Variants in CPAMD8 observed in about 807,000 individuals in gnomAD.
The protein encoded by CPAMD8 is C3 and PZP like alpha-2-macroglobulin domain containing 8, also known as C3 and PZP-like alpha-2-macroglobulin domain-containing protein 8.
CPAMD8 carries 146 observed loss-of-function variants against 224.7 expected under a neutral mutation model. The ratio of observed to expected loss-of-function variants is 0.65; its 90% CI spans 0.57 to 0.75. The LOEUF (loss-of-function observed/expected upper bound fraction) is 0.75, where lower values mean the gene tolerates loss of function less well. Among genes scored for constraint, CPAMD8 ranks in the 30% least tolerant of loss-of-function variants. CPAMD8 has a pLI of 0.00. For synonymous variants in CPAMD8, 966 were observed against 1,044.6 expected, an observed-to-expected ratio of 0.92 and a Z score of 1.45; for missense variants, 2,301 against 2,537.5, an observed-to-expected ratio of 0.91 and a Z score of 2.00.
At chr19:16,986,938 C>A (rs1436220324) in intron 13 of CPAMD8, among the ~76,000 whole-genome samples, 1 of 151,646 alleles carries the variant, frequency 6.6e-6, no homozygotes, top group African/African-American at 2.4e-5. Context: ...GGTGGATCAC[C>A]TGAGGCCAGG....
intron 18 of CPAMD8, among the ~76,000 whole-genome samples, chr19:16,969,968 C>T (rs1042201749): frequency 2.6e-5 from 4 of 151,266 alleles, no homozygotes; most frequent in Non-Finnish European, 5.9e-5. Context: ...GGCGCAGTGG[C>T]TCATGCCTGT....
chr19:16,905,211 A>G (rs1157109369), intron 30 of CPAMD8, among the ~76,000 whole-genome samples: 3 of 152,102 alleles, frequency 2.0e-5, no homozygotes, highest in Admixed American at 6.6e-5. Context: ...ACTGCACTCC[A>G]CACTCCAGCC....
At chr19:16,958,202 T>C (rs1473928158) in intron 18 of CPAMD8, among the ~76,000 whole-genome samples, 1 of 152,196 alleles carries the variant, frequency 6.6e-6, no homozygotes, top group Non-Finnish European at 1.5e-5. Flanking sequence ...GGGGGTTTGT[T>C]GTACAGATTA....
chr19:16,946,345 A>C (rs537924844), intron 21 of CPAMD8, among the ~76,000 whole-genome samples: 13 of 139,564 alleles, frequency 9.3e-5, no homozygotes, highest in Middle Eastern at 4.9e-3. Flanking sequence ...ATATGTATGT[A>C]TGTCTACACG....
rs764726432 is a variant in CPAMD8 at position 17,011,530 on chromosome 19, G to A, written c.434-14C>T. The A allele has an allele frequency of 3.7e-6, 6 of 1,613,998 alleles. No individual in the cohort carries two copies. In the East Asian group the frequency reaches 1.1e-4, roughly 30 times the overall value. On this transcript the variant is annotated splice_polypyrimidine_tract_variant and intron_variant, in intron 4 of 41. Transcript: ENST00000443236. The stretch of plus-strand genomic sequence containing the variant: ...TGCTTATGAGCACTAGAAGAAAGAA[G>A]AGAGGCGTGTGACACCTCCAGACCA...
chr19:16,972,259 G>A (rs1361135053), intron 17 of CPAMD8, among the ~76,000 whole-genome samples: 1 of 152,160 alleles, frequency 6.6e-6, no homozygotes, highest in East Asian at 1.9e-4. Context: ...AAACTCCCAG[G>A]CTCAAGTGAT....
At chr19:16,947,316 C>T (rs2122281585) in intron 20 of CPAMD8, 89 bp from the exon 21 acceptor site, 1 of 1,461,298 alleles carries the variant, frequency 6.8e-7, no homozygotes. Flanking sequence ...CCACTCACTG[C>T]ACACACCAGA....
intron 30 of CPAMD8, among the ~76,000 whole-genome samples, chr19:16,906,499 G>A (rs939669214): frequency 3.3e-5 from 5 of 149,966 alleles, no homozygotes; most frequent in Admixed American, 6.7e-5. Flanking sequence ...TGCCTCCTGG[G>A]TTCAAGTGAT....
At chr19:16,954,522 A>G (rs572021068) in intron 19 of CPAMD8, among the ~76,000 whole-genome samples, 41 of 152,238 alleles carry the variant, frequency 2.7e-4, no homozygotes, top group African/African-American at 9.6e-4. Flanking sequence ...ACTTCTGGGT[A>G]TACACCCAAA....
Position 17,026,712 on chromosome 19 carries a change from G to A in CPAMD8, c.-70C>T, listed in dbSNP as rs1373324158. The A allele has an allele frequency of 1.7e-5, 21 of 1,233,786 alleles. No homozygotes were observed. The highest frequency in any genetic ancestry group is 2.1e-5 in the Non-Finnish European group (21 of 989,186). The allele number at this position is 1,233,786 out of a possible 1,614,324, so 76.4% of individuals were successfully genotyped here. A position where few individuals can be genotyped will look rare whatever the true frequency, so the allele number is the denominator to read the frequency against. On this transcript the variant is annotated 5_prime_UTR_variant, in exon 1 of 42. Transcript: ENST00000443236. ...CAGGGCTGGGCCAGGGCCAGGGTCC[G>A]AGCGCGGCCGTCCTCGCGCCGCCGC... is the stretch of plus-strand genomic sequence containing the variant.
chr19:16,989,497 G>T (rs966667198), intron 13 of CPAMD8, 146 bp downstream of exon 13: 11 of 930,352 alleles, frequency 1.2e-5, no homozygotes, highest in Non-Finnish European at 1.8e-5. Context: ...ATGCTGGCCA[G>T]GCTGGTCTCG....
intron 28 of CPAMD8, 64 bp downstream of exon 28, chr19:16,914,592 AG>A: frequency 6.2e-7 from 1 of 1,612,196 alleles, no homozygotes; most frequent in Non-Finnish European, 8.5e-7. Context: ...AGGAACAGGC[AG>A]GTCAGGGCTG....
At chr19:17,003,505 A>G (rs1358105147) in intron 8 of CPAMD8, among the ~76,000 whole-genome samples, 2 of 151,666 alleles carry the variant, frequency 1.3e-5, no homozygotes, top group Admixed American at 6.6e-5. Context: ...CTGGCCTACA[A>G]TACTTTTTTC....
In CPAMD8 at chr19:16,896,463, G is replaced by A; in HGVS notation, c.5268C>T (p.Cys1756=). 6.9e-7 allele frequency: 1 copy of A among 1,445,960 alleles called. No individual in the cohort carries two copies. Among genetic ancestry groups the A allele is most frequent in the Non-Finnish European group, 9.0e-7 (1 of 1,107,206 alleles). The allele number at this position is 1,445,960 out of a possible 1,614,324, so 89.6% of individuals were successfully genotyped here. A position where few individuals can be genotyped will look rare whatever the true frequency, so the allele number is the denominator to read the frequency against. The stretch of plus-strand genomic sequence containing the variant: ...GGGGGGTAGGGTCCTCACCGAGGGC[G>A]CAGCAGCTGGGAGGCGCGGGCTCCA... ...APLEPAPPSC[C]ALEQRLPASS... The change falls in exon 40 of 42, where the codon TGC becomes TGT. Residue 1756 remains cysteine, a synonymous_variant. Transcript: ENST00000443236.
chr19:16,970,527 G>A lies in CPAMD8; in HGVS notation c.2213+364C>T, dbSNP rs1363834430. On this transcript the variant is annotated intron_variant, in intron 18 of 41. Transcript: ENST00000443236. ...TTGAACCTGGGAGGTGGAGGTTGCAGGGAGCCAAGATCACACCACTGGGGG... is the reference window on the plus strand; with the variant it reads ...TTGAACCTGGGAGGTGGAGGTTGCAAGGAGCCAAGATCACACCACTGGGGG... Among the ~76,000 whole-genome samples the A allele has an allele frequency of 2.0e-5, 3 of 152,196 alleles. No homozygotes were observed. The East Asian group carries it at 5.8e-4, about 29-fold the overall frequency.
At chr19:16,895,742 T>G in intron 41 of CPAMD8, 1 of 364,496 alleles carries the variant, frequency 2.7e-6, no homozygotes, top group Non-Finnish European at 5.6e-6. Context: ...GCAATGCTCA[T>G]TGGGGCATTT....
intron 13 of CPAMD8, among the ~76,000 whole-genome samples, chr19:16,988,112 G>A (rs544887811): frequency 1.2e-4 from 18 of 152,182 alleles, no homozygotes; most frequent in African/African-American, 2.2e-4. Context: ...TGGCAGACAC[G>A]GCTCTAAATT....
Position 17,002,336 on chromosome 19 carries a change from C to T in CPAMD8, c.688G>A (p.Glu230Lys), listed in dbSNP as rs1412049568. Residue 230 changes from glutamate to lysine, a missense_variant, in exon 9 of 42, where the codon GAG (glutamate) becomes AAG (lysine). Glu to Lys is a moderately conservative substitution (Grantham distance 56). Transcript: ENST00000443236. ...EVQKYVLPKF[E>K]LLIDPPRYIQ... ...TACCGGGGCGGGTCAATCAGAAGCT[C>T]AAACTTGGGCAACACTGAAGAAAGC... 1.9e-6 allele frequency: 3 copies of T among 1,605,468 alleles called. No homozygotes were observed. In the African/African-American group the frequency reaches 4.0e-5, roughly 22 times the overall value.
chr19:16,936,825 AC>A (rs1291359075), intron 23 of CPAMD8, among the ~76,000 whole-genome samples: 1 of 152,204 alleles, frequency 6.6e-6, no homozygotes, highest in Non-Finnish European at 1.5e-5. Flanking sequence ...CAGTCTGTAG[AC>A]TGTAGTTCCT....
Sources: allele counts gnomAD v4.1 joint callset (sites outside exome capture counted in the v4.1 genomes callset), GRCh38; gene constraint gnomAD v4.1.1; transcripts MANE v1.5; gene names NCBI Gene and HGNC (gene_info 2026-07-23, HGNC 2026-07-21).